The following BPTF variants were observed in gnomAD, a reference collection of about 807,000 sequenced individuals.
BPTF encodes bromodomain PHD finger transcription factor, also known as nucleosome-remodeling factor subunit BPTF.
In BPTF, 18 loss-of-function variants were observed where a neutral mutation model predicts 292.5. The observed-to-expected ratio is 0.06, with a 90% CI of 0.04 to 0.09. BPTF has a LOEUF of 0.09. Ranked by LOEUF, BPTF falls within the 10% of genes least tolerant of loss-of-function variation. The pLI, the probability that BPTF is intolerant of heterozygous loss-of-function variation, is 1.00. For synonymous variants in BPTF, 1,225 were observed against 1,251.9 expected, an observed-to-expected ratio of 0.98 and a Z score of 0.45; for missense variants, 2,726 against 3,498.7, an observed-to-expected ratio of 0.78 and a Z score of 5.57.
chr17:67,833,646 G>A (rs1413948787), intron 1 of BPTF, among the ~76,000 whole-genome samples: 2 of 150,680 alleles, frequency 1.3e-5, no homozygotes, highest in African/African-American at 4.9e-5. Context: ...TTGGCTCACT[G>A]CAACCTCTGC....
At chr17:67,867,787 G>A (rs2059474451) in intron 3 of BPTF, among the ~76,000 whole-genome samples, 1 of 152,170 alleles carries the variant, frequency 6.6e-6, no homozygotes, top group South Asian at 2.1e-4. Context: ...TTCTTATCAA[G>A]AGTGCATGGT....
chr17:67,889,228 C>T (rs1235120351), intron 4 of BPTF, among the ~76,000 whole-genome samples: 1 of 152,160 alleles, frequency 6.6e-6, no homozygotes, highest in African/African-American at 2.4e-5. Context: ...GACCTCTACC[C>T]TCAGTTTAGT....
intron 24 of BPTF, among the ~76,000 whole-genome samples, chr17:67,962,012 G>C (rs1160193877): frequency 2.6e-5 from 4 of 151,606 alleles, no homozygotes; most frequent in African/African-American, 9.7e-5. Context: ...GCCTGGTGGC[G>C]CATGCCTATA....
At chr17:67,966,967 G>C (rs2068171710) in intron 26 of BPTF, among the ~76,000 whole-genome samples, 1 of 151,578 alleles carries the variant, frequency 6.6e-6, no homozygotes, top group Non-Finnish European at 1.5e-5. Context: ...GGGCATGGTG[G>C]TGCATGCCTG....
At position 67,982,575 on chromosome 17, in the gene BPTF, GAAA is replaced by G. The variant is rs1406696132; in HGVS notation, c.*292_*294del. 3 of 298,682 alleles carry G rather than the reference GAAA, an allele frequency of 1.0e-5. No individual in the cohort carries two copies. The highest frequency in any genetic ancestry group is 1.2e-5 in the Non-Finnish European group (2 of 161,966). 18.5% of individuals were successfully genotyped at this position (298,682 alleles called of 1,614,324 possible). A position where few individuals can be genotyped will look rare whatever the true frequency, so the allele number is the denominator to read the frequency against. On this transcript the variant is annotated 3_prime_UTR_variant, in exon 28 of 28. Transcript: ENST00000306378. ...TGAAAAAAAAAGAAAAAGAAAGCAAGAAAAAAAGATACTATGGGGTCAAGTGTA... is the reference window on the plus strand; with the variant it reads ...TGAAAAAAAAAGAAAAAGAAAGCAAGAAAAGATACTATGGGGTCAAGTGTA...
In BPTF at chr17:67,911,782, G is replaced by A; in HGVS notation, c.3898G>A (p.Asp1300Asn). ...ENSSDTVSIQDSSEEDMIVQN... is the reference protein window; with the variant it reads ...ENSSDTVSIQNSSEEDMIVQN... The stretch of plus-strand genomic sequence containing the variant: ...TAGTTCTGATACCGTGTCTATTCAG[G>A]ATAGCAGTGAAGAAGATATGATTGT... The change falls in exon 11 of 28, where the codon GAT becomes AAT. Residue 1300 changes from aspartate (D) to asparagine (N), a missense_variant. Coordinates refer to ENST00000306378, the MANE Select transcript of BPTF (RefSeq NM_182641.4). The A allele has an allele frequency of 6.2e-7, 1 of 1,614,182 alleles. No individual in the cohort carries two copies. Among genetic ancestry groups the A allele is most frequent in the Non-Finnish European group, 8.5e-7 (1 of 1,180,022 alleles).
chr17:67,963,112 C>T (rs2067677261), intron 24 of BPTF, among the ~76,000 whole-genome samples: 1 of 152,054 alleles, frequency 6.6e-6, no homozygotes, highest in Admixed American at 6.6e-5. Flanking sequence ...AAGCAGTGTA[C>T]TTGTTGAAAC....
At position 67,968,038 on chromosome 17, in the gene BPTF, GA is replaced by G. The variant is rs1297014284; in HGVS notation, c.8539+1391del. Among the ~76,000 whole-genome samples, 5 of 142,450 alleles carry G rather than the reference GA, an allele frequency of 3.5e-5. No homozygotes were observed. The East Asian group carries it at 1.2e-3, about 33-fold the overall frequency. 93.5% of individuals were successfully genotyped at this position (142,450 alleles called of 152,430 possible). A position where few individuals can be genotyped will look rare whatever the true frequency, so the allele number is the denominator to read the frequency against. On this transcript the variant is annotated intron_variant, in intron 26 of 27. Transcript: ENST00000306378. ...CTAGAGAGAATACCCTCATTTCCCAGAAAAAAAAATGGTAATAGGAGCCACG... is the reference window on the plus strand; with the variant it reads ...CTAGAGAGAATACCCTCATTTCCCAGAAAAAAAATGGTAATAGGAGCCACG...
At chr17:67,871,099 C>T (rs1338738238) in intron 3 of BPTF, among the ~76,000 whole-genome samples, 2 of 152,052 alleles carry the variant, frequency 1.3e-5, no homozygotes, top group Non-Finnish European at 2.9e-5. Flanking sequence ...ATGTATAACT[C>T]TCTGGTTTTT....
At chr17:67,930,581 T>A (rs576049286) in intron 17 of BPTF, among the ~76,000 whole-genome samples, 1 of 152,166 alleles carries the variant, frequency 6.6e-6, no homozygotes, top group Non-Finnish European at 1.5e-5. Context: ...TTTAAAGTTT[T>A]AAATTTTTGA....
rs1447637853 is a variant in BPTF at position 67,928,571 on chromosome 17, A to G, written c.5968A>G (p.Thr1990Ala). ...QNKNFHQTFA[T>A]WVKQGQSNSG... ...CAAGAACTTTCATCAAACCTTTGCT[A>G]CATGGGTTAAGCAAGGCCAGTCAAA... Residue 1990 changes from threonine to alanine, a missense_variant, in exon 16 of 28, where the codon ACA becomes GCA. By Grantham distance (58) the Thr-to-Ala change is moderately conservative (BLOSUM62 0). Transcript: ENST00000306378. 6.2e-7 allele frequency: 1 copy of G among 1,613,994 alleles called. No homozygotes were observed. Among genetic ancestry groups the G allele is most frequent in the Non-Finnish European group, 8.5e-7 (1 of 1,179,958 alleles).
At chr17:67,970,775 A>G (rs1273061460) in intron 26 of BPTF, among the ~76,000 whole-genome samples, 3 of 152,228 alleles carry the variant, frequency 2.0e-5, no homozygotes, top group African/African-American at 7.2e-5. Flanking sequence ...GCTGTTATAG[A>G]CCTACATCAT....
chr17:67,884,452 G>A (rs186712509), intron 4 of BPTF, among the ~76,000 whole-genome samples: 2 of 149,652 alleles, frequency 1.3e-5, no homozygotes, highest in Non-Finnish European at 3.0e-5. Context: ...TTCTCACTTT[G>A]TTACCCAGGC....
Position 67,866,600 on chromosome 17 carries a change from G to A in BPTF, c.1573G>A (p.Glu525Lys). Residue 525 changes from glutamate (E) to lysine (K), a missense_variant, in exon 3 of 28, where the codon GAA becomes AAA. Coordinates refer to ENST00000306378, the MANE Select transcript of BPTF (RefSeq NM_182641.4). Reference protein sequence around the residue: ...ELCKILEEMREEIHRHMDITE... With the variant: ...ELCKILEEMRKEIHRHMDITE... ...CTGCAAAATTCTAGAAGAAATGCGT[G>A]AAGAAATCCACCGACACATGGACAT... The A allele has an allele frequency of 1.2e-6, 2 of 1,613,996 alleles. No homozygotes were observed. The highest frequency in any genetic ancestry group is 1.7e-6 in the Non-Finnish European group (2 of 1,179,890).
chr17:67,843,269 T>G (rs560746937), intron 1 of BPTF, among the ~76,000 whole-genome samples: 8 of 149,874 alleles, frequency 5.3e-5, no homozygotes, highest in African/African-American at 1.9e-4. Context: ...CATATATGGA[T>G]ACATATAGAT....
intron 1 of BPTF, among the ~76,000 whole-genome samples, chr17:67,843,091 C>T (rs1432728068): frequency 2.0e-5 from 3 of 149,942 alleles, no homozygotes; most frequent in African/African-American, 7.3e-5. Context: ...TATGTAGATA[C>T]ATATATCTAT....
chr17:67,968,461 A>G (rs1220683863), intron 26 of BPTF, among the ~76,000 whole-genome samples: 1 of 151,590 alleles, frequency 6.6e-6, no homozygotes, highest in Non-Finnish European at 1.5e-5. Context: ...AATAGAAGTA[A>G]TAATACAAGT....
chr17:67,857,331 T>A (rs1195035346), intron 2 of BPTF, among the ~76,000 whole-genome samples: 3 of 151,728 alleles, frequency 2.0e-5, no homozygotes, highest in African/African-American at 7.3e-5. Flanking sequence ...CGGTTAATTT[T>A]TTGTATTTTT....
rs775620456 is a variant in BPTF at position 67,875,781 on chromosome 17, G to T, written c.1864+761G>T. On this transcript the variant is annotated intron_variant, in intron 4 of 27. Transcript: ENST00000306378. The stretch of plus-strand genomic sequence containing the variant: ...AGCGTATCAATGCCTCTGTAATGGG[G>T]GGAATCCTTCCCTTTTGTAGTAAAA... The T allele has an allele frequency of 4.2e-6, 6 of 1,424,842 alleles. 1 individual carries two copies. Among genetic ancestry groups the T allele is most frequent in the Non-Finnish European group, 3.7e-6 (4 of 1,079,024 alleles). 88.3% of individuals were successfully genotyped at this position (1,424,842 alleles called of 1,614,324 possible). A position where few individuals can be genotyped will look rare whatever the true frequency, so the allele number is the denominator to read the frequency against.
Sources: gnomAD v4.1 joint callset for allele counts (sites outside exome capture counted in the v4.1 genomes callset) on GRCh38, gnomAD v4.1.1 for gene constraint, MANE v1.5 for transcripts, NCBI Gene and HGNC (gene_info 2026-07-23, HGNC 2026-07-21) for gene names.